The following ADGRL2 variants were observed in gnomAD, a reference collection of about 807,000 sequenced individuals.
The protein encoded by ADGRL2 is calcium-independent alpha-latrotoxin receptor 2.
ADGRL2 carries 44 observed loss-of-function variants against 157.4 expected under a neutral mutation model. The ratio of observed to expected loss-of-function variants is 0.28; its 90% confidence interval spans 0.22 to 0.36. The LOEUF is 0.36. Ranked by LOEUF, ADGRL2 falls within the 10% of genes least tolerant of loss-of-function variation. The pLI, the probability that ADGRL2 is intolerant of heterozygous loss-of-function variation, is 1.00. For missense variants in ADGRL2, 1,510 were observed against 1,768.9 expected (o/e 0.85, Z 2.63); for synonymous variants, 585 against 624.7 (o/e 0.94, Z 0.95).
At chr1:81,503,249 C>G in intron 2 of ADGRL2, 2 of 1,614,212 alleles carry the variant, frequency 1.2e-6, no homozygotes, top group South Asian at 1.1e-5. Flanking sequence ...AACCTGACCA[C>G]GAGTAGCATT....
intron 1 of ADGRL2, among the ~76,000 whole-genome samples, chr1:81,817,197 A>G (rs1299516785): frequency 6.6e-6 from 1 of 151,862 alleles, no homozygotes; most frequent in East Asian, 1.9e-4. Flanking sequence ...AATTGGTAAA[A>G]TTTAAGTGTC....
rs149875600 is a variant in ADGRL2, at chr1:81,838,250, C to T, written c.73+1193C>T. On this transcript the variant is annotated intron_variant, in intron 2 of 23. Coordinates refer to ENST00000686636, the MANE Select transcript of ADGRL2 (RefSeq NM_001366006.2). ...TTCTCCTTGTCCCTCCAGTCCCCTA[C>T]GTTCAGTATATTGATATGATGTAAT... Among the ~76,000 whole-genome samples, 604 of 151,914 alleles carry T rather than the reference C, an allele frequency of 4.0e-3. 4 individuals carry two copies. Among genetic ancestry groups the T allele is most frequent in the African/African-American group, 0.013 (546 of 41,480 alleles).
intron 17 of ADGRL2, among the ~76,000 whole-genome samples, chr1:81,975,986 A>G (rs956421323): frequency 1.8e-4 from 28 of 152,178 alleles, no homozygotes; most frequent in African/African-American, 6.5e-4. Context: ...TCAAACTAAA[A>G]TTTAGCATTA....
chr1:81,988,494 A>G (rs948632489), intron 23 of ADGRL2: 3 of 152,062 alleles, frequency 2.0e-5, no homozygotes, highest in Non-Finnish European at 2.9e-5. Flanking sequence ...TATAAAGATT[A>G]TAGCACATAA....
chr1:81,435,155 A>T (rs1281942176), intron 1 of ADGRL2, among the ~76,000 whole-genome samples: 1 of 152,252 alleles, frequency 6.6e-6, no homozygotes, highest in Non-Finnish European at 1.5e-5. Context: ...ATATTAAAAT[A>T]AAATTACATT....
At chr1:81,616,647 T>G (rs567736899) in intron 3 of ADGRL2, among the ~76,000 whole-genome samples, 40 of 127,740 alleles carry the variant, frequency 3.1e-4, no homozygotes, top group African/African-American at 1.1e-3. Flanking sequence ...GTTTTTTGGG[T>G]TTTTTTTTTT....
intron 2 of ADGRL2, among the ~76,000 whole-genome samples, chr1:81,856,940 G>T (rs2093224079): frequency 6.6e-6 from 1 of 152,052 alleles, no homozygotes; most frequent in African/African-American, 2.4e-5. Context: ...GGAAACTTTT[G>T]TTATAGATAC....
At chr1:81,440,190 T>G (rs2077481882) in intron 1 of ADGRL2, among the ~76,000 whole-genome samples, 1 of 152,196 alleles carries the variant, frequency 6.6e-6, no homozygotes, top group Admixed American at 6.5e-5. Flanking sequence ...GGAAGACAAG[T>G]TCTTAACACA....
chr1:81,857,645 A>T (rs976299441), intron 2 of ADGRL2, among the ~76,000 whole-genome samples: 6 of 152,182 alleles, frequency 3.9e-5, no homozygotes, highest in Admixed American at 3.3e-4. Flanking sequence ...ATCCATTGAC[A>T]GCTTCTGAAT....
chr1:81,534,566 T>C (rs1277316890), intron 2 of ADGRL2, among the ~76,000 whole-genome samples: 3 of 152,232 alleles, frequency 2.0e-5, no homozygotes, highest in Non-Finnish European at 4.4e-5. Flanking sequence ...ACAATAACTT[T>C]GAGCCAAGAC....
upstream of ADGRL2, among the ~76,000 whole-genome samples, chr1:81,696,739 G>T (rs1375017606): frequency 3.9e-5 from 6 of 152,038 alleles, no homozygotes; most frequent in Admixed American, 1.3e-4. Flanking sequence ...GCGACAGAGC[G>T]AGACTCCATC....
At chr1:81,982,558 C>G (rs1661972377) in intron 19 of ADGRL2, among the ~76,000 whole-genome samples, 1 of 151,874 alleles carries the variant, frequency 6.6e-6, no homozygotes, top group Admixed American at 6.6e-5. Context: ...TGCTTAGGTG[C>G]TATTTAAGTA....
At chr1:81,625,301 C>T (rs910473640) in intron 3 of ADGRL2, among the ~76,000 whole-genome samples, 2 of 152,062 alleles carry the variant, frequency 1.3e-5, no homozygotes. Flanking sequence ...TATCTTCCTC[C>T]CTCCCTCCCT....
intron 1 of ADGRL2, among the ~76,000 whole-genome samples, chr1:81,821,996 A>G (rs913284373): frequency 6.8e-6 from 1 of 148,066 alleles, no homozygotes; most frequent in African/African-American, 2.5e-5. Context: ...AATAACCTGC[A>G]ATGCTGTGTG....
chr1:81,458,221 G>A (rs951892652), intron 2 of ADGRL2, among the ~76,000 whole-genome samples: 1 of 152,070 alleles, frequency 6.6e-6, no homozygotes, highest in South Asian at 2.1e-4. Context: ...GTGATGTTTT[G>A]TTTATTGTGG....
intron 1 of ADGRL2, chr1:81,722,569 C>T (rs2084368572): frequency 6.7e-7 from 1 of 1,490,658 alleles, no homozygotes; most frequent in Non-Finnish European, 9.2e-7. Context: ...AGGGAAAGCA[C>T]ACAGACGCCT....
chr1:81,823,548 A>G (rs1414625666), intron 1 of ADGRL2, among the ~76,000 whole-genome samples: 1 of 152,130 alleles, frequency 6.6e-6, no homozygotes, highest in Admixed American at 6.6e-5. Context: ...GATAGACATG[A>G]AAGCCATCTT....
chr1:81,416,120 G>T (rs2077029123), intron 1 of ADGRL2, among the ~76,000 whole-genome samples: 1 of 152,062 alleles, frequency 6.6e-6, no homozygotes, highest in African/African-American at 2.4e-5. Flanking sequence ...AAAGTGCTGG[G>T]ATTACAGGCG....
chr1:81,734,666 C>T (rs926556331), intron 1 of ADGRL2, among the ~76,000 whole-genome samples: 2 of 148,046 alleles, frequency 1.4e-5, no homozygotes, highest in Non-Finnish European at 3.0e-5. Context: ...CCAATGACCT[C>T]CATGCACAAG....
Sources: gnomAD v4.1 joint callset for allele counts (sites outside exome capture counted in the v4.1 genomes callset) on GRCh38, gnomAD v4.1.1 for gene constraint, MANE v1.5 for transcripts, NCBI Gene and HGNC (gene_info 2026-07-23, HGNC 2026-07-21) for gene names.